The following VRK1 variants were observed in gnomAD, a reference collection of about 807,000 sequenced individuals.
VRK1 encodes the protein serine/threonine-protein kinase VRK1.
Under a neutral mutation model 57.1 loss-of-function variants are expected in VRK1, and 33 were observed. The ratio of observed to expected loss-of-function variants is 0.58; its 90% CI spans 0.44 to 0.77. The LOEUF is 0.77. Among genes scored for constraint, VRK1 ranks in the 30% least tolerant of loss-of-function variants. The pLI is 0.00. For synonymous variants in VRK1, 137 were observed against 147.8 expected (o/e 0.93, Z 0.53); for missense variants, 413 against 477.3 (o/e 0.87, Z 1.25).
intron 3 of VRK1, among the ~76,000 whole-genome samples, chr14:96,839,073 ACTTGT>A (rs956993555): frequency 4.4e-5 from 6 of 136,596 alleles, no homozygotes; most frequent in African/African-American, 1.6e-4. Context: ...GGAGGCAACC[ACTTGT>A]CTTGAGTTTT....
intron 9 of VRK1, 40 bp downstream of exon 9, chr14:96,856,290 A>G: frequency 6.2e-7 from 1 of 1,605,332 alleles, no homozygotes; most frequent in South Asian, 1.1e-5. Context: ...AAATCATGAT[A>G]AGCCAAATGT....
chr14:96,833,661 T>C lies in VRK1; in HGVS notation c.160+30T>C, dbSNP rs775747406. The C allele has an allele frequency of 3.1e-6, 5 of 1,613,030 alleles. No homozygotes were observed. The South Asian group carries it at 5.5e-5, about 18-fold the overall frequency. On this transcript the variant is annotated intron_variant, in intron 2 of 12. Coordinates refer to ENST00000216639, the MANE Select transcript of VRK1 (RefSeq NM_003384.3). ...GTGTGTGACTGCTTCTAATGATCAATCCAAAGATTTATATGTTTTCTTATG... is the reference window on the plus strand; with the variant it reads ...GTGTGTGACTGCTTCTAATGATCAACCCAAAGATTTATATGTTTTCTTATG...
intron 1 of VRK1, among the ~76,000 whole-genome samples, chr14:96,805,811 G>A (rs536841299): frequency 4.6e-5 from 7 of 152,120 alleles, no homozygotes; most frequent in Non-Finnish European, 1.0e-4. Context: ...AGTGTTAAAA[G>A]CTTTCATGCA....
chr14:96,851,988 A>G (rs1369013361), intron 5 of VRK1, among the ~76,000 whole-genome samples: 3 of 152,234 alleles, frequency 2.0e-5, no homozygotes, highest in African/African-American at 7.2e-5. Flanking sequence ...GATTTACTGA[A>G]TGATTTCACC....
chr14:96,868,545 G>A (rs1888674146), intron 11 of VRK1, among the ~76,000 whole-genome samples: 1 of 152,068 alleles, frequency 6.6e-6, no homozygotes. Context: ...TCAGCCCCAT[G>A]ACCAGCTTTT....
intron 11 of VRK1, among the ~76,000 whole-genome samples, chr14:96,871,960 C>T (rs545437235): frequency 6.6e-6 from 1 of 152,198 alleles, no homozygotes; most frequent in Admixed American, 6.5e-5. Flanking sequence ...TGTGTGCCAC[C>T]ACACCTGGCT....
At chr14:96,819,361 T>C (rs1886510531) in intron 1 of VRK1, among the ~76,000 whole-genome samples, 1 of 152,158 alleles carries the variant, frequency 6.6e-6, no homozygotes, top group Non-Finnish European at 1.5e-5. Context: ...GCAATTAAAG[T>C]GAAAATGAAT....
In VRK1 at chr14:96,861,650, A is replaced by G. The variant is rs139301898; in HGVS notation, c.1068+915A>G. Among the ~76,000 whole-genome samples the G allele has an allele frequency of 8.3e-3, 1,271 of 152,302 alleles. 16 individuals carry two copies. Among genetic ancestry groups the G allele is most frequent in the African/African-American group, 0.029 (1,195 of 41,574 alleles). On this transcript the variant is annotated intron_variant, in intron 11 of 12. Transcript: ENST00000216639. The stretch of plus-strand genomic sequence containing the variant: ...AAGTTTTTATCTTTTCAATTAACAA[A>G]GGAGATAGGAATTTTGAAATTGGAC...
chr14:96,826,058 A>G (rs1383327050), intron 1 of VRK1, among the ~76,000 whole-genome samples: 1 of 152,212 alleles, frequency 6.6e-6, no homozygotes, highest in Non-Finnish European at 1.5e-5. Flanking sequence ...TTAAAAAAAA[A>G]TTCCAAATTT....
intron 2 of VRK1, among the ~76,000 whole-genome samples, chr14:96,836,672 G>A (rs972880588): frequency 2.0e-5 from 3 of 151,720 alleles, no homozygotes; most frequent in East Asian, 3.9e-4. Context: ...TAACAGGTGC[G>A]TGCCACCACC....
At chr14:96,824,054 A>G (rs1464600209) in intron 1 of VRK1, among the ~76,000 whole-genome samples, 1 of 152,246 alleles carries the variant, frequency 6.6e-6, no homozygotes, top group African/African-American at 2.4e-5. Context: ...AAAGGAATAA[A>G]CATCAATTAT....
intron 1 of VRK1, among the ~76,000 whole-genome samples, chr14:96,806,001 T>TC (rs1180689071): frequency 6.6e-6 from 1 of 150,998 alleles, no homozygotes; most frequent in Non-Finnish European, 1.5e-5. Flanking sequence ...TTTTTTTTTT[T>TC]CTGCAGAAGA....
rs920004282 is a variant in VRK1, at chr14:96,837,769, G to A, written c.168G>A (p.Met56Ile). Reference sequence around the variant, plus strand: ...TTTTACTTTTTTAAACAGCTGATATGAATTCTTCAGAGTCAGTTGGCAGTG... The same window carrying A: ...TTTTACTTTTTTAAACAGCTGATATAAATTCTTCAGAGTCAGTTGGCAGTG... ...GGFGCIYLAD[M>I]NSSESVGSDA... is the part of the protein sequence containing the mutation. Residue 56 changes from methionine (M) to isoleucine (I), a missense_variant, in exon 3 of 13, where the codon ATG (methionine) becomes ATA (isoleucine). Physicochemically the swap from Met to Ile is conservative, Grantham distance 10. Coordinates refer to ENST00000216639, the MANE Select transcript of VRK1 (RefSeq NM_003384.3). 6.4e-7 allele frequency: 1 copy of A among 1,561,502 alleles called. No individual in the cohort carries two copies. Among genetic ancestry groups the A allele is most frequent in the Non-Finnish European group, 8.7e-7 (1 of 1,152,822 alleles).
At chr14:96,828,769 A>G (rs1595656784) in intron 1 of VRK1, among the ~76,000 whole-genome samples, 1 of 152,144 alleles carries the variant, frequency 6.6e-6, no homozygotes, top group Non-Finnish European at 1.5e-5. Flanking sequence ...GTGTTTCTCA[A>G]GATGCTAAAA....
At chr14:96,826,712 A>T (rs900422963) in intron 1 of VRK1, among the ~76,000 whole-genome samples, 3 of 152,222 alleles carry the variant, frequency 2.0e-5, no homozygotes, top group African/African-American at 7.2e-5. Flanking sequence ...TACTAAAGTG[A>T]TTGTTTAATT....
intron 1 of VRK1, among the ~76,000 whole-genome samples, chr14:96,815,421 A>C (rs112854610): frequency 4.7e-4 from 72 of 152,288 alleles, no homozygotes; most frequent in African/African-American, 1.6e-3. Context: ...CCATTATTTG[A>C]GGGGAAAAAT....
chr14:96,838,469 A>G (rs1486021298), intron 3 of VRK1, among the ~76,000 whole-genome samples: 3 of 152,178 alleles, frequency 2.0e-5, no homozygotes, highest in Non-Finnish European at 4.4e-5. Flanking sequence ...CCCTTCTTCA[A>G]AATTACTTGA....
intron 10 of VRK1, among the ~76,000 whole-genome samples, chr14:96,858,265 A>T (rs140111204): frequency 4.6e-5 from 7 of 151,302 alleles, no homozygotes; most frequent in Non-Finnish European, 7.4e-5. Context: ...CTAATTAAAA[A>T]TTTTTTTTTG....
chr14:96,869,919 ATTAG>A (rs1428466553), intron 11 of VRK1, among the ~76,000 whole-genome samples: 1 of 152,138 alleles, frequency 6.6e-6, no homozygotes, highest in Non-Finnish European at 1.5e-5. Context: ...TTGCCTTGAG[ATTAG>A]TTAACTCCCC....
Sources: allele counts gnomAD v4.1 joint callset (sites outside exome capture counted in the v4.1 genomes callset), GRCh38; gene constraint gnomAD v4.1.1; transcripts MANE v1.5; gene names NCBI Gene and HGNC (gene_info 2026-07-23, HGNC 2026-07-21).